The following RBFOX3 variants were observed in gnomAD, a reference collection of about 807,000 sequenced individuals.
RBFOX3 encodes RNA binding fox-1 homolog 3, also known as RNA binding protein fox-1 homolog 3.
Under a neutral mutation model 48.7 loss-of-function variants are expected in RBFOX3, and 17 were observed. The observed-to-expected ratio is 0.35, with a 90% CI of 0.24 to 0.52. The LOEUF (loss-of-function observed/expected upper bound fraction) is 0.52. RBFOX3 is among the 20% of genes least tolerant of loss of function. The probability of loss-of-function intolerance (pLI) is 0.94; values close to 1 mark genes in which losing one functional copy is unlikely to be tolerated. For synonymous variants in RBFOX3, 212 were observed against 209.5 expected, an observed-to-expected ratio of 1.01 and a Z score of -0.10; for missense variants, 382 against 497.5, an observed-to-expected ratio of 0.77 and a Z score of 2.21.
chr17:79,295,690 C>T (rs1047800874), intron 3 of RBFOX3, among the ~76,000 whole-genome samples: 9 of 152,182 alleles, frequency 5.9e-5, no homozygotes, highest in Admixed American at 2.6e-4. Context: ...CCTGCCCCAC[C>T]GTCAGCTCCC....
chr17:79,266,602 A>C (rs937886377), intron 3 of RBFOX3, among the ~76,000 whole-genome samples: 1 of 149,104 alleles, frequency 6.7e-6, no homozygotes, highest in Non-Finnish European at 1.5e-5. Flanking sequence ...TTATGAGATG[A>C]CTCTTGGTGG....
chr17:79,277,422 T>C (rs2069160474), intron 3 of RBFOX3, among the ~76,000 whole-genome samples: 1 of 152,206 alleles, frequency 6.6e-6, no homozygotes, highest in African/African-American at 2.4e-5. Context: ...CCATAAATAA[T>C]CATTAGCTGA....
chr17:79,521,301 T>TAC (rs1253216689), intron 1 of RBFOX3, among the ~76,000 whole-genome samples: 1 of 145,634 alleles, frequency 6.9e-6, no homozygotes, highest in South Asian at 2.2e-4. Flanking sequence ...CACTCACAGA[T>TAC]ACACACACAT....
At position 79,556,772 on chromosome 17, in the gene RBFOX3, C is replaced by T. The variant is rs1193228181; in HGVS notation, c.-320+54054G>A. ...TCAACGTCTTGAGATGGCAAAATTC[C>T]TAGGAAGGGAGGGACTTTCTGGAGG... On this transcript the variant is annotated intron_variant, in intron 1 of 14. Transcript: ENST00000693108. 3.9e-5 allele frequency among the ~76,000 whole-genome samples: 6 copies of T among 152,214 alleles called. No homozygotes were observed. The East Asian group carries it at 9.7e-4, about 25-fold the overall frequency.
chr17:79,474,847 C>T (rs2077505803), intron 2 of RBFOX3, among the ~76,000 whole-genome samples: 1 of 152,124 alleles, frequency 6.6e-6, no homozygotes, highest in Non-Finnish European at 1.5e-5. Flanking sequence ...GTGTCCACAT[C>T]CCTCTCTCCC....
At position 79,362,917 on chromosome 17, in the gene RBFOX3, A is replaced by G. The variant is rs751606759; in HGVS notation, c.-174-55093T>C. Among the ~76,000 whole-genome samples, 6 of 152,178 alleles carry G rather than the reference A, an allele frequency of 3.9e-5. No homozygotes were observed. The highest frequency in any genetic ancestry group is 1.3e-4 in the Admixed American group (2 of 15,278). ...CAGGTGTGAGAGGTCCCACTCCCCA[A>G]TCTATATCCCCAAATGCTGGTGATG... On this transcript the variant is annotated intron_variant, in intron 2 of 14. Transcript: ENST00000693108. The surrounding 1 kb of genome is among the most constrained non-coding windows in gnomAD (Gnocchi z 4.2).
At chr17:79,360,984 G>C (rs1322833019) in intron 2 of RBFOX3, among the ~76,000 whole-genome samples, 2 of 152,070 alleles carry the variant, frequency 1.3e-5, no homozygotes, top group Non-Finnish European at 2.9e-5. Flanking sequence ...AGCCTGTCCG[G>C]GTTATTTCTG....
chr17:79,608,640 C>T (rs1434771293), intron 1 of RBFOX3, among the ~76,000 whole-genome samples: 1 of 152,204 alleles, frequency 6.6e-6, no homozygotes, highest in African/African-American at 2.4e-5. Flanking sequence ...TTCAACCGTG[C>T]TTCTTGCTCC....
chr17:79,094,275 A>G (rs1395753871), intron 14 of RBFOX3, 176 bp downstream of exon 14: 5 of 488,444 alleles, frequency 1.0e-5, no homozygotes, highest in Non-Finnish European at 1.8e-5. Flanking sequence ...CGCAACTGAG[A>G]GGGCGTGAGG....
intron 5 of RBFOX3, among the ~76,000 whole-genome samples, chr17:79,112,948 G>C (rs2032538470): frequency 6.6e-6 from 1 of 150,804 alleles, no homozygotes; most frequent in South Asian, 2.1e-4. Flanking sequence ...TGGTGGGGAA[G>C]GAAGAGACCA....
intron 2 of RBFOX3, among the ~76,000 whole-genome samples, chr17:79,317,137 C>G (rs986322438): frequency 2.6e-5 from 4 of 152,186 alleles, no homozygotes; most frequent in Admixed American, 2.6e-4. Flanking sequence ...ACGGCCACCC[C>G]CCTCATTCAG....
the RBFOX3 span, among the ~76,000 whole-genome samples, chr17:79,653,211 C>T: frequency 1.3e-5 from 2 of 152,126 alleles, no homozygotes; most frequent in East Asian, 1.9e-4. Flanking sequence ...GGAACATGCA[C>T]GTCGGCACAG....
intron 2 of RBFOX3, among the ~76,000 whole-genome samples, chr17:79,397,681 G>A (rs538014108): frequency 7.9e-5 from 12 of 151,050 alleles, no homozygotes; most frequent in Non-Finnish European, 1.5e-4. Flanking sequence ...TTTCCTTTAC[G>A]ACATGGTCCA....
At chr17:79,457,757 G>T (rs948697460) in intron 2 of RBFOX3, among the ~76,000 whole-genome samples, 1 of 152,256 alleles carries the variant, frequency 6.6e-6, no homozygotes, top group African/African-American at 2.4e-5. Flanking sequence ...CCCTCAGGCA[G>T]CGAGTCCAGT....
At chr17:79,309,893 G>A (rs768775839) in intron 2 of RBFOX3, among the ~76,000 whole-genome samples, 5 of 152,116 alleles carry the variant, frequency 3.3e-5, no homozygotes, top group Admixed American at 3.3e-4. Context: ...CATGAGGAAC[G>A]GTGAGTCAGT....
Position 79,274,440 on chromosome 17 carries a change from G to A in RBFOX3, c.-74+33284C>T, listed in dbSNP as rs564154594. Among the ~76,000 whole-genome samples the A allele has an allele frequency of 3.0e-4, 45 of 152,330 alleles. 1 individual carries two copies. The highest frequency in any genetic ancestry group is 2.4e-3 in the Admixed American group (36 of 15,306). On this transcript the variant is annotated intron_variant, in intron 3 of 14. Coordinates refer to ENST00000693108, the MANE Select transcript of RBFOX3 (RefSeq NM_001350451.2). ...AAGTGCTCAGCCAAACCAAGGTGTCGCAGCTCTTCTCTGCACTCAGGCGCG... is the reference window on the plus strand; with the variant it reads ...AAGTGCTCAGCCAAACCAAGGTGTCACAGCTCTTCTCTGCACTCAGGCGCG...
chr17:79,423,863 C>A lies in RBFOX3; in HGVS notation c.-175+58591G>T, dbSNP rs1284702571. ...AGGCGCACACTCAGTCATGTGCTAC[C>A]CAGAGCACGCCACATGCCCTCAGCT... On this transcript the variant is annotated intron_variant, in intron 2 of 14. Transcript: ENST00000693108. The surrounding 1 kb of genome is among the most constrained non-coding windows in gnomAD (Gnocchi z 4.9). 6.5e-6 allele frequency: 1 copy of A among 153,776 alleles called. No individual in the cohort carries two copies. The highest frequency in any genetic ancestry group is 2.4e-5 in the African/African-American group (1 of 41,440). 9.5% of individuals were successfully genotyped at this position (153,776 alleles called of 1,614,324 possible). A position where few individuals can be genotyped will look rare whatever the true frequency, so the allele number is the denominator to read the frequency against.
intron 4 of RBFOX3, among the ~76,000 whole-genome samples, chr17:79,218,241 G>A (rs950992635): frequency 2.0e-5 from 3 of 152,034 alleles, no homozygotes; most frequent in Admixed American, 6.6e-5. Context: ...GGACTTGGGG[G>A]GTGGCAGCGT....
At chr17:79,596,212 G>A (rs955671052) in intron 1 of RBFOX3, among the ~76,000 whole-genome samples, 1 of 152,208 alleles carries the variant, frequency 6.6e-6, no homozygotes, top group African/African-American at 2.4e-5. Flanking sequence ...ACGCTCCAAG[G>A]TTCACTTCCA....
Sources: allele counts gnomAD v4.1 joint callset (sites outside exome capture counted in the v4.1 genomes callset), GRCh38; gene constraint gnomAD v4.1.1; non-coding constraint Gnocchi (gnomAD v3.1); transcripts MANE v1.5; gene names NCBI Gene and HGNC (gene_info 2026-07-23, HGNC 2026-07-21).